The following DGLUCY variants were observed in gnomAD, a reference collection of about 807,000 sequenced individuals.
DGLUCY encodes the protein D-glutamate cyclase, mitochondrial.
A neutral mutation model predicts 58.5 loss-of-function variants in DGLUCY; 58 were observed. The ratio of observed to expected loss-of-function variants is 0.99; its 90% confidence interval spans 0.80 to 1.23. The LOEUF (loss-of-function observed/expected upper bound fraction) is 1.23, where lower values mean the gene tolerates loss of function less well. DGLUCY is among the 50% of genes most tolerant of loss of function. The pLI is 0.00. For missense variants in DGLUCY, 779 were observed against 784.7 expected (o/e 0.99, Z 0.09); for synonymous variants, 325 against 314.1 (o/e 1.03, Z -0.37).
intron 10 of DGLUCY, among the ~76,000 whole-genome samples, chr14:91,197,493 CCT>C (rs1252331278): frequency 1.7e-4 from 26 of 152,206 alleles, no homozygotes; most frequent in African/African-American, 6.3e-4. Context: ...CATCTGCAGA[CCT>C]CTTTTCATCT....
At chr14:91,209,264 AAAC>A (rs759115769) in intron 12 of DGLUCY, among the ~76,000 whole-genome samples, 35 of 152,324 alleles carry the variant, frequency 2.3e-4, no homozygotes, top group East Asian at 9.6e-4. Context: ...TTCGGTCTCA[AAAC>A]AACAACAACG....
At chr14:91,160,636 G>A (rs932985466) in intron 3 of DGLUCY, among the ~76,000 whole-genome samples, 34 of 152,076 alleles carry the variant, frequency 2.2e-4, no homozygotes, top group African/African-American at 8.0e-4. Context: ...ACCCAGTTCT[G>A]CTTGGTCACC....
chr14:91,159,583 A>G (rs2047862155), intron 2 of DGLUCY, among the ~76,000 whole-genome samples: 1 of 152,344 alleles, frequency 6.6e-6, no homozygotes, highest in Non-Finnish European at 1.5e-5. Context: ...TAAAAAACAC[A>G]TTCTACTTTT....
chr14:91,208,404 A>G (rs565156866), intron 12 of DGLUCY, among the ~76,000 whole-genome samples: 28 of 152,316 alleles, frequency 1.8e-4, no homozygotes, highest in African/African-American at 6.5e-4. Context: ...AGTGCATTCC[A>G]TTATGTATGC....
At chr14:91,128,072 AC>A (rs907501320) in intron 1 of DGLUCY, among the ~76,000 whole-genome samples, 4 of 151,820 alleles carry the variant, frequency 2.6e-5, no homozygotes, top group African/African-American at 9.7e-5. Context: ...CCCACCTTAC[AC>A]CCACCTCAAC....
At chr14:91,167,439 GTC>G in intron 4 of DGLUCY, 61 bp downstream of exon 4, 1 of 1,602,788 alleles carries the variant, frequency 6.2e-7, no homozygotes. Context: ...GTAGCCAGGT[GTC>G]TCTGTCATCC....
chr14:91,097,754 A>G (rs866127642), intron 1 of DGLUCY, among the ~76,000 whole-genome samples: 24 of 150,666 alleles, frequency 1.6e-4, no homozygotes, highest in Non-Finnish European at 4.4e-5. Context: ...GCTCACTGCA[A>G]CCTCCATCTC....
intron 1 of DGLUCY, chr14:91,115,244 GAAGGA>G (rs1195398200): frequency 1.3e-5 from 2 of 152,420 alleles, no homozygotes; most frequent in African/African-American, 4.8e-5. Flanking sequence ...GAGCTAAAAA[GAAGGA>G]AAGGAGAGGC....
At chr14:91,119,004 AATT>A (rs1201459344) in intron 1 of DGLUCY, among the ~76,000 whole-genome samples, 3 of 152,042 alleles carry the variant, frequency 2.0e-5, no homozygotes, top group African/African-American at 4.8e-5. Flanking sequence ...CTACTACTAA[AATT>A]ATTATTATCT....
chr14:91,069,546 C>T (rs2043881069), intron 1 of DGLUCY, among the ~76,000 whole-genome samples: 1 of 152,174 alleles, frequency 6.6e-6, no homozygotes, highest in African/African-American at 2.4e-5. Context: ...TCCCAAAGTG[C>T]TGGGATTACA....
At chr14:91,133,676 A>G (rs1178665999) in intron 1 of DGLUCY, among the ~76,000 whole-genome samples, 1 of 152,148 alleles carries the variant, frequency 6.6e-6, no homozygotes, top group Non-Finnish European at 1.5e-5. Context: ...GGCATGAGCC[A>G]CCGCCTGTAG....
intron 1 of DGLUCY, among the ~76,000 whole-genome samples, chr14:91,076,345 C>G (rs2044022071): frequency 1.3e-5 from 2 of 152,284 alleles, no homozygotes; most frequent in South Asian, 4.1e-4. Context: ...CACATCCTCT[C>G]ATGTACTTTA....
At chr14:91,126,754 C>A (rs1302207226) in intron 1 of DGLUCY, among the ~76,000 whole-genome samples, 1 of 152,178 alleles carries the variant, frequency 6.6e-6, no homozygotes, top group Non-Finnish European at 1.5e-5. Context: ...ATAATAATCT[C>A]ATCTCAAGAT....
chr14:91,168,578 T>C (rs1681771952), intron 4 of DGLUCY, among the ~76,000 whole-genome samples: 1 of 152,218 alleles, frequency 6.6e-6, no homozygotes, highest in African/African-American at 2.4e-5. Flanking sequence ...GCTTTCCACG[T>C]GCTGCTTCCT....
At chr14:91,067,509 A>C (rs998835279) in intron 1 of DGLUCY, among the ~76,000 whole-genome samples, 19 of 152,220 alleles carry the variant, frequency 1.2e-4, no homozygotes, top group Non-Finnish European at 2.5e-4. Flanking sequence ...TAAGAAAGAA[A>C]ATCTTTCAAA....
chr14:91,181,447 C>T, intron 8 of DGLUCY, 58 bp downstream of exon 8: 1 of 1,529,550 alleles, frequency 6.5e-7, no homozygotes, highest in South Asian at 1.2e-5. Context: ...ACATTTGCAC[C>T]TGGAGAAAAT....
intron 1 of DGLUCY, among the ~76,000 whole-genome samples, chr14:91,090,743 G>T (rs1481729589): frequency 1.3e-5 from 2 of 152,210 alleles, no homozygotes; most frequent in African/African-American, 4.8e-5. Flanking sequence ...TGAGGAAGAT[G>T]CCTAAGACAT....
At chr14:91,153,207 C>A (rs1249840877) in intron 1 of DGLUCY, among the ~76,000 whole-genome samples, 2 of 152,140 alleles carry the variant, frequency 1.3e-5, no homozygotes, top group Admixed American at 6.6e-5. Context: ...ATTATAGACA[C>A]AGTCTCGCTC....
chr14:91,099,528 C>CA (rs11349730), intron 1 of DGLUCY, among the ~76,000 whole-genome samples: 31 of 134,610 alleles, frequency 2.3e-4, no homozygotes, highest in East Asian at 1.3e-3. Context: ...GACCCAATCT[C>CA]AAAAAAAAAA....
Sources: allele counts gnomAD v4.1 joint callset (sites outside exome capture counted in the v4.1 genomes callset), GRCh38; gene constraint gnomAD v4.1.1; transcripts MANE v1.5; gene names NCBI Gene and HGNC (gene_info 2026-07-23, HGNC 2026-07-21).